COL6A2: variants seen among roughly 807,000 people sequenced by gnomAD.
COL6A2 encodes collagen type VI alpha 2 chain.
Under a neutral mutation model 124.9 loss-of-function variants are expected in COL6A2, and 90 were observed. The observed-to-expected ratio is 0.72, with a 90% CI of 0.61 to 0.86. The LOEUF (loss-of-function observed/expected upper bound fraction) is 0.86, where lower values mean the gene tolerates loss of function less well. Among genes scored for constraint, COL6A2 ranks in the 40% least tolerant of loss-of-function variants. The pLI is 0.00. For missense variants in COL6A2, 1,607 were observed against 1,502.5 expected, an observed-to-expected ratio of 1.07 and a Z score of -1.15; for synonymous variants, 793 against 618.2, an observed-to-expected ratio of 1.28 and a Z score of -4.19.
intron 4 of COL6A2, among the ~76,000 whole-genome samples, chr21:46,113,115 C>T (rs74927451): frequency 2.9e-3 from 439 of 152,246 alleles, no homozygotes; most frequent in Non-Finnish European, 4.9e-3. Flanking sequence ...ACCCTGGACT[C>T]GAGGCCCGAG....
chr21:46,105,389 A>AT, intron 1 of COL6A2, among the ~76,000 whole-genome samples: 1 of 152,258 alleles, frequency 6.6e-6, no homozygotes, highest in South Asian at 2.1e-4. Flanking sequence ...TTATCTCAAA[A>AT]TAAATAAATA....
chr21:46,129,588 C>T (rs1052374950), intron 27 of COL6A2: 8 of 1,444,022 alleles, frequency 5.5e-6, no homozygotes, highest in Admixed American at 2.8e-5. Flanking sequence ...GGCCAGAGAT[C>T]TGGAATCGGG....
At chr21:46,119,696 A>G in intron 14 of COL6A2, 92 bp from the exon 15 acceptor site, 2 of 1,167,108 alleles carry the variant, frequency 1.7e-6, no homozygotes, top group Non-Finnish European at 2.5e-6. Flanking sequence ...TCCTGTAGAG[A>G]AGGAGCATCG....
chr21:46,118,178 C>G (rs968792518), intron 12 of COL6A2, among the ~76,000 whole-genome samples: 4 of 152,108 alleles, frequency 2.6e-5, no homozygotes, highest in African/African-American at 9.7e-5. Context: ...CACCTCCTCC[C>G]AGGTGGAGCC....
Position 46,132,294 on chromosome 21 carries a change from CG to C in COL6A2, c.2806del (p.Ala936ProfsTer104). 2 of 1,605,970 alleles carry C rather than the reference CG, an allele frequency of 1.2e-6. No individual in the cohort carries two copies. The highest frequency in any genetic ancestry group is 1.7e-6 in the Non-Finnish European group (2 of 1,179,180). On this transcript the variant is annotated frameshift_variant, in exon 28 of 28. Coordinates refer to ENST00000300527, the MANE Select transcript of COL6A2 (RefSeq NM_001849.4). LOFTEE classifies it high-confidence loss of function. ...ATGCCATCGTGCGCAGCCCGCGTGG[CG>C]GGGCCCGGAGGCACGCAGAGCTGTC... ...INAIVRSPRG[G>X]ARRHAELSFV...
At chr21:46,118,732 C>T in intron 13 of COL6A2, 56 bp downstream of exon 13, 4 of 1,553,462 alleles carry the variant, frequency 2.6e-6, no homozygotes, top group Non-Finnish European at 2.6e-6. Context: ...ACGCCCATGG[C>T]CCAGATGAAC....
intron 21 of COL6A2, 86 bp downstream of exon 21, chr21:46,123,023 G>A (rs2078591611): frequency 3.8e-6 from 5 of 1,314,476 alleles, no homozygotes; most frequent in Middle Eastern, 2.1e-4. Context: ...TATGAGTACA[G>A]GAGAACGCCA....
rs148929787 is a variant in COL6A2, at chr21:46,112,083, G to A, written c.220G>A (p.Val74Met). 8.1e-6 allele frequency: 13 copies of A among 1,613,060 alleles called. No homozygotes were observed. The highest frequency in any genetic ancestry group is 1.3e-5 in the African/African-American group (1 of 74,908). ...CCTGCTCTTCCACATGAAGCAGTTC[G>A]TGCCGCAGTTCATCAGCCAGCTGCA... ...DILLFHMKQFVPQFISQLQNE... is the reference protein window; with the variant it reads ...DILLFHMKQFMPQFISQLQNE... Residue 74 changes from valine to methionine, a missense_variant, in exon 3 of 28, where the codon GTG (valine) becomes ATG (methionine). Physicochemically the swap from Val to Met is conservative, Grantham distance 21. Transcript: ENST00000300527.
Position 46,121,551 on chromosome 21 carries a change from C to T in COL6A2, c.1459-5C>T, listed in dbSNP as rs1362389378. The T allele has an allele frequency of 3.7e-6, 6 of 1,612,722 alleles. No homozygotes were observed. The African/African-American group carries it at 6.7e-5, about 18-fold the overall frequency. ...CTGACTTCTGAATTTCTCTCCTGCCCTCAGGGATCTCGGGGAGACCCCGGT... is the reference window on the plus strand; with the variant it reads ...CTGACTTCTGAATTTCTCTCCTGCCTTCAGGGATCTCGGGGAGACCCCGGT... On this transcript the variant is annotated splice_polypyrimidine_tract_variant and splice_region_variant and intron_variant, in intron 17 of 27. Coordinates refer to ENST00000300527, the MANE Select transcript of COL6A2 (RefSeq NM_001849.4).
chr21:46,118,963 C>G, intron 13 of COL6A2, 67 bp from the exon 14 acceptor site: 8 of 1,273,312 alleles, frequency 6.3e-6, no homozygotes, highest in Non-Finnish European at 9.2e-6. Context: ...CACCACACAC[C>G]GCACAGGCGT....
rs1221456352 is a variant in COL6A2 at position 46,126,106 on chromosome 21, A to G, written c.2291A>G (p.His764Arg). The G allele has an allele frequency of 1.2e-6, 2 of 1,612,662 alleles. No homozygotes were observed. Among genetic ancestry groups the G allele is most frequent in the Admixed American group, 1.7e-5 (1 of 60,034 alleles). ...GCCATCGGCATCGGGGACATGTTCC[A>G]CGAGAAGCACGAGAGTGAAAACCTC... ...VTAIGIGDMF[H>R]EKHESENLYS... The change falls in exon 26 of 28, where the codon CAC (histidine) becomes CGC (arginine). Residue 764 changes from histidine (H) to arginine (R), a missense_variant. Coordinates refer to ENST00000300527, the MANE Select transcript of COL6A2 (RefSeq NM_001849.4).
intron 12 of COL6A2, 47 bp from the exon 13 acceptor site, chr21:46,118,567 C>T (rs756965031): frequency 3.1e-6 from 5 of 1,599,272 alleles, no homozygotes; most frequent in South Asian, 1.1e-5. Context: ...CCTGCACCCC[C>T]CTTCCCCTGC....
At chr21:46,124,962 A>G (rs1189104925) in intron 23 of COL6A2, 42 bp downstream of exon 23, 1 of 1,610,126 alleles carries the variant, frequency 6.2e-7, no homozygotes, top group East Asian at 2.2e-5. Flanking sequence ...TTCTCCTGCC[A>G]AAACTAGACA....
At chr21:46,122,800 CA>C in intron 20 of COL6A2, 74 bp from the exon 21 acceptor site, 14 of 1,450,388 alleles carry the variant, frequency 9.7e-6, no homozygotes, top group African/African-American at 1.4e-5. Flanking sequence ...TCGATTTTTC[CA>C]CATAAAAATC....
At chr21:46,126,895 C>T (rs919708598) in intron 27 of COL6A2, among the ~76,000 whole-genome samples, 5 of 152,146 alleles carry the variant, frequency 3.3e-5, no homozygotes, top group Non-Finnish European at 4.4e-5. Context: ...ATGTGCCACT[C>T]GGAGGAAGCC....
At chr21:46,113,191 T>C (rs1245313010) in intron 4 of COL6A2, among the ~76,000 whole-genome samples, 1 of 152,056 alleles carries the variant, frequency 6.6e-6, no homozygotes, top group Non-Finnish European at 1.5e-5. Context: ...CCCACCTCCC[T>C]GTGTGTCCCA....
chr21:46,117,520 G>A, intron 11 of COL6A2, 67 bp downstream of exon 11: 1 of 1,512,938 alleles, frequency 6.6e-7, no homozygotes, highest in Non-Finnish European at 9.1e-7. Context: ...CCGGGTGGGA[G>A]GGTAGTTGCT....
chr21:46,121,863 C>A (rs2078571746), intron 18 of COL6A2, among the ~76,000 whole-genome samples: 1 of 152,150 alleles, frequency 6.6e-6, no homozygotes, highest in South Asian at 2.1e-4. Flanking sequence ...GGCCTGAGGG[C>A]AGCTACGTGG....
At chr21:46,119,182 G>A (rs779701236) in intron 14 of COL6A2, 63 bp downstream of exon 14, 148 of 1,272,278 alleles carry the variant, frequency 1.2e-4, no homozygotes, top group Non-Finnish European at 1.6e-4. Flanking sequence ...AGCTTGAGGA[G>A]GACCATGGGG....
Sources: gnomAD v4.1 joint callset for allele counts (sites outside exome capture counted in the v4.1 genomes callset) on GRCh38, gnomAD v4.1.1 for gene constraint, MANE v1.5 for transcripts, NCBI Gene and HGNC (gene_info 2026-07-23, HGNC 2026-07-21) for gene names.